Variants in SNRPD1 observed in about 807,000 individuals in gnomAD.
The protein encoded by SNRPD1 is small nuclear ribonucleoprotein D1 polypeptide, also known as small nuclear ribonucleoprotein Sm D1.
In SNRPD1, 1 loss-of-function variant was observed where a neutral mutation model predicts 14.4. The observed-to-expected ratio is 0.07, with a 90% CI of 0.02 to 0.33. SNRPD1 has a LOEUF of 0.33. Ranked by LOEUF, SNRPD1 falls within the 10% of genes least tolerant of loss-of-function variation. SNRPD1 has a pLI of 1.00. For synonymous variants in SNRPD1, 42 were observed against 50.3 expected (o/e 0.83, Z 0.70); for missense variants, 52 against 146.4 (o/e 0.36, Z 3.33).
chr18:21,619,915 C>G (rs2038985634), intron 1 of SNRPD1, among the ~76,000 whole-genome samples: 1 of 152,160 alleles, frequency 6.6e-6, no homozygotes, highest in South Asian at 2.1e-4. Context: ...CTCCGAGGAG[C>G]TGAGACTACA....
rs1042401242 is a variant in SNRPD1 at position 21,622,657 on chromosome 18, AC to A, written c.15-65del. ...CAAATTTTCAACATCGAGTTGTTTC[AC>A]CCTTTCACCTTAATAAATGTGATTT... On this transcript the variant is annotated intron_variant, in intron 1 of 3. Coordinates refer to ENST00000300413, the MANE Select transcript of SNRPD1 (RefSeq NM_006938.4). 6.0e-5 allele frequency: 46 copies of A among 765,066 alleles called. No homozygotes were observed. The African/African-American group carries it at 7.3e-4, about 12-fold the overall frequency. 47.4% of individuals were successfully genotyped at this position (765,066 alleles called of 1,614,324 possible). A position where few individuals can be genotyped will look rare whatever the true frequency, so the allele number is the denominator to read the frequency against.
intron 3 of SNRPD1, among the ~76,000 whole-genome samples, 174 bp from the exon 4 acceptor site, chr18:21,628,888 G>A (rs1303336466): frequency 6.6e-6 from 1 of 151,962 alleles, no homozygotes; most frequent in Non-Finnish European, 1.5e-5. Flanking sequence ...GTTGGGGGGT[G>A]GAGGGAATCT....
intron 2 of SNRPD1, among the ~76,000 whole-genome samples, chr18:21,623,118 C>G (rs773304098): frequency 7.3e-5 from 11 of 151,724 alleles, no homozygotes; most frequent in Non-Finnish European, 1.5e-4. Context: ...CGGATTCTCA[C>G]TCTGTTACCC....
At chr18:21,619,370 C>T (rs974066440) in intron 1 of SNRPD1, among the ~76,000 whole-genome samples, 3 of 152,004 alleles carry the variant, frequency 2.0e-5, no homozygotes, top group Admixed American at 2.0e-4. Flanking sequence ...TTAGCAGAGA[C>T]GGGGTTTCGC....
intron 1 of SNRPD1, among the ~76,000 whole-genome samples, chr18:21,618,109 T>C (rs78726174): frequency 0.023 from 3,475 of 152,122 alleles, 145 homozygotes; most frequent in African/African-American, 0.08. Flanking sequence ...CTCCACATGC[T>C]ACAATATATT....
At chr18:21,626,152 G>A (rs994326895) in intron 3 of SNRPD1, among the ~76,000 whole-genome samples, 3 of 150,542 alleles carry the variant, frequency 2.0e-5, no homozygotes, top group Admixed American at 6.6e-5. Context: ...CAGTACTTTG[G>A]GAGGCAGAGG....
At position 21,633,061 on chromosome 18, in the gene SNRPD1, A is replaced by G. The variant is rs1194760389; in HGVS notation, c.*3923A>G. 9 of 152,160 alleles carry G rather than the reference A, an allele frequency of 5.9e-5. No homozygotes were observed. In the East Asian group the frequency reaches 1.7e-3, roughly 29 times the overall value. 9.4% of individuals were successfully genotyped at this position (152,160 alleles called of 1,614,324 possible). The stretch of plus-strand genomic sequence containing the variant: ...GAGACGGGGTTTCACTGTGTTAGCC[A>G]GGATGGTCTGAATCTCCTGACCTCG... On this transcript the variant is annotated 3_prime_UTR_variant, in exon 4 of 4. Transcript: ENST00000300413.
At chr18:21,612,615 G>A (rs1568122042) in intron 1 of SNRPD1, among the ~76,000 whole-genome samples, 172 bp downstream of exon 1, 5 of 152,290 alleles carry the variant, frequency 3.3e-5, no homozygotes, top group Non-Finnish European at 7.3e-5. Flanking sequence ...TTCCGCCTGG[G>A]TCGCTCGCGG....
At chr18:21,626,757 G>A (rs1189681435) in intron 3 of SNRPD1, among the ~76,000 whole-genome samples, 1 of 150,606 alleles carries the variant, frequency 6.6e-6, no homozygotes, top group Non-Finnish European at 1.5e-5. Flanking sequence ...CTGCACTCCA[G>A]CCTGGACAAC....
At chr18:21,621,423 T>G (rs1052236290) in intron 1 of SNRPD1, among the ~76,000 whole-genome samples, 2 of 152,136 alleles carry the variant, frequency 1.3e-5, no homozygotes, top group African/African-American at 4.8e-5. Context: ...TTTTGTGAGA[T>G]GGAGTCTTGC....
At chr18:21,624,641 A>G (rs1217408917) in intron 3 of SNRPD1, among the ~76,000 whole-genome samples, 1 of 151,742 alleles carries the variant, frequency 6.6e-6, no homozygotes, top group Non-Finnish European at 1.5e-5. Flanking sequence ...CTGTGAGCCA[A>G]GATCACGCCA....
intron 3 of SNRPD1, among the ~76,000 whole-genome samples, chr18:21,626,394 CAAAAAA>C (rs774960503): frequency 9.8e-5 from 5 of 51,086 alleles, no homozygotes; most frequent in African/African-American, 1.5e-4. Flanking sequence ...ACCCTGTCGC[CAAAAAA>C]AAAAAAAAAA....
intron 1 of SNRPD1, among the ~76,000 whole-genome samples, chr18:21,622,080 G>T (rs574594164): frequency 6.6e-6 from 1 of 152,068 alleles, no homozygotes; most frequent in East Asian, 1.9e-4. Context: ...TAGGAAGGGA[G>T]ATTTTTACTT....
chr18:21,621,330 G>A (rs988382584), intron 1 of SNRPD1, among the ~76,000 whole-genome samples: 3 of 152,134 alleles, frequency 2.0e-5, no homozygotes, highest in African/African-American at 4.8e-5. Context: ...AGTAATGTCC[G>A]TCAACAGGCG....
rs1045601910 is a variant in SNRPD1, at chr18:21,631,747, A to G, written c.*2609A>G. 3 of 151,974 alleles carry G rather than the reference A, an allele frequency of 2.0e-5. No individual in the cohort carries two copies. Among genetic ancestry groups the G allele is most frequent in the African/African-American group, 4.8e-5 (2 of 41,390 alleles). 9.4% of individuals were successfully genotyped at this position (151,974 alleles called of 1,614,324 possible). A position where few individuals can be genotyped will look rare whatever the true frequency, so the allele number is the denominator to read the frequency against. On this transcript the variant is annotated 3_prime_UTR_variant, in exon 4 of 4. Transcript: ENST00000300413. ...CGTCCCCGGCCTATACCTTTCATTA[A>G]TTAATAAGCTGGGGGAATAAATAAC...
At chr18:21,622,315 AT>A (rs1200465306) in intron 1 of SNRPD1, among the ~76,000 whole-genome samples, 4 of 151,098 alleles carry the variant, frequency 2.6e-5, no homozygotes, top group South Asian at 2.1e-4. Context: ...AATTTTTTGT[AT>A]TTTTTAGTAG....
intron 3 of SNRPD1, among the ~76,000 whole-genome samples, chr18:21,625,316 ATTTTTT>A (rs144395165): frequency 4.9e-4 from 54 of 109,116 alleles, no homozygotes; most frequent in African/African-American, 2.6e-3. Flanking sequence ...GTTGAAAAAA[ATTTTTT>A]TTTTTTTTTT....
intron 1 of SNRPD1, among the ~76,000 whole-genome samples, chr18:21,618,980 A>G (rs940085196): frequency 6.6e-6 from 1 of 152,168 alleles, no homozygotes; most frequent in Non-Finnish European, 1.5e-5. Context: ...TGTACCATTT[A>G]GTGTGATGAT....
intron 1 of SNRPD1, among the ~76,000 whole-genome samples, chr18:21,621,185 T>C (rs2146258829): frequency 6.6e-6 from 1 of 151,784 alleles, no homozygotes; most frequent in Admixed American, 6.6e-5. Flanking sequence ...AAAGATAAGA[T>C]ATTCAATCTC....
Sources: allele counts gnomAD v4.1 joint callset (sites outside exome capture counted in the v4.1 genomes callset), GRCh38; gene constraint gnomAD v4.1.1; transcripts MANE v1.5; gene names NCBI Gene and HGNC (gene_info 2026-07-23, HGNC 2026-07-21).